Variants in PCDHA13 observed in about 807,000 individuals in gnomAD.
PCDHA13 encodes protocadherin alpha 13, also known as protocadherin alpha-13.
A neutral mutation model predicts 64.8 loss-of-function variants in PCDHA13; 54 were observed. The ratio of observed to expected loss-of-function variants is 0.83; its 90% CI spans 0.67 to 1.04. The LOEUF (loss-of-function observed/expected upper bound fraction) is 1.04, where lower values mean the gene tolerates loss of function less well. Ranked by LOEUF, PCDHA13 falls within the 50% of genes least tolerant of loss-of-function variation. The pLI is 0.00. For missense variants in PCDHA13, 1,248 were observed against 1,254.3 expected, an observed-to-expected ratio of 0.99 and a Z score of 0.08; for synonymous variants, 587 against 564.4, an observed-to-expected ratio of 1.04 and a Z score of -0.57.
intron 1 of PCDHA13, among the ~76,000 whole-genome samples, chr5:140,972,293 C>T (rs912767406): frequency 2.0e-5 from 3 of 151,768 alleles, no homozygotes; most frequent in Non-Finnish European, 4.4e-5. Flanking sequence ...ATGTGCGCCA[C>T]CGTGTCTGAC....
intron 1 of PCDHA13, among the ~76,000 whole-genome samples, chr5:140,931,051 G>A (rs1460771235): frequency 6.6e-6 from 1 of 152,134 alleles, no homozygotes; most frequent in African/African-American, 2.4e-5. Flanking sequence ...AAACTTCAAT[G>A]CTGTGTCTGG....
chr5:140,983,399 G>C (rs1486206101), intron 3 of PCDHA13, among the ~76,000 whole-genome samples: 1 of 152,148 alleles, frequency 6.6e-6, no homozygotes, highest in East Asian at 1.9e-4. Context: ...TTTCAGAAAG[G>C]GAAGATTAAG....
At chr5:140,950,458 A>G (rs568340492) in intron 1 of PCDHA13, among the ~76,000 whole-genome samples, 5 of 152,142 alleles carry the variant, frequency 3.3e-5, no homozygotes, top group Admixed American at 2.6e-4. Flanking sequence ...CTGTCTTCTA[A>G]TGCTCATAGT....
In PCDHA13 at chr5:140,882,588, A is replaced by T; in HGVS notation, c.320A>T (p.Glu107Val). 4.3e-6 allele frequency: 7 copies of T among 1,614,186 alleles called. No homozygotes were observed. Among genetic ancestry groups the T allele is most frequent in the Non-Finnish European group, 5.1e-6 (6 of 1,180,038 alleles). Reference protein sequence around the residue: ...GRSAECSIHLEVIVDRPLQVF... With the variant: ...GRSAECSIHLVVIVDRPLQVF... ...AGCGCGGAGTGCAGCATCCACCTGG[A>T]GGTGATCGTGGACAGGCCTCTGCAG... The change falls in exon 1 of 4, where the codon GAG (glutamate) becomes GTG (valine). Residue 107 changes from glutamate to valine, a missense_variant. Coordinates refer to ENST00000289272, the MANE Select transcript of PCDHA13 (RefSeq NM_018904.3).
intron 1 of PCDHA13, among the ~76,000 whole-genome samples, chr5:140,976,501 A>G (rs568983330): frequency 6.6e-6 from 1 of 152,240 alleles, no homozygotes; most frequent in East Asian, 1.9e-4. Context: ...CAGGGAGCCA[A>G]GATCGCGCCA....
intron 3 of PCDHA13, among the ~76,000 whole-genome samples, chr5:141,005,506 A>G (rs1462164149): frequency 1.3e-5 from 2 of 151,786 alleles, no homozygotes; most frequent in East Asian, 3.9e-4. Flanking sequence ...GATCGAGACC[A>G]TCCTGGCTAA....
intron 3 of PCDHA13, among the ~76,000 whole-genome samples, chr5:140,992,867 C>T (rs2097531825): frequency 6.6e-6 from 1 of 152,184 alleles, no homozygotes; most frequent in Admixed American, 6.5e-5. Context: ...CTCTAGCTCC[C>T]TCCTTGATAT....
At chr5:140,982,353 C>G (rs2096979519) in intron 2 of PCDHA13, 122 bp from the exon 3 acceptor site, 1 of 1,509,284 alleles carries the variant, frequency 6.6e-7, no homozygotes, top group East Asian at 2.4e-5. Flanking sequence ...TCAGTTCAAG[C>G]ATGAGCAGAA....
intron 3 of PCDHA13, among the ~76,000 whole-genome samples, chr5:141,001,290 G>A (rs2098005878): frequency 6.6e-6 from 1 of 152,100 alleles, no homozygotes; most frequent in Non-Finnish European, 1.5e-5. Flanking sequence ...GATGAAAACT[G>A]AGGCCCAGAG....
intron 3 of PCDHA13, among the ~76,000 whole-genome samples, chr5:141,008,578 C>T (rs1185736158): frequency 6.6e-6 from 1 of 152,202 alleles, no homozygotes; most frequent in Non-Finnish European, 1.5e-5. Context: ...TTTCCCAAGA[C>T]TCAGGGCAGA....
chr5:140,883,447 C>A lies in PCDHA13; in HGVS notation c.1179C>A (p.Val393=). The change falls in exon 1 of 4, where the codon GTC becomes GTA. Residue 393 remains valine (V), a synonymous_variant. Coordinates refer to ENST00000289272, the MANE Select transcript of PCDHA13 (RefSeq NM_018904.3). The part of the protein sequence containing the change: ...GQVTCTLTPH[V]PFKLVSTYKN... Reference sequence around the variant, plus strand: ...TCACCTGCACCTTGACGCCGCATGTCCCCTTCAAGCTGGTGTCCACCTACA... The same window carrying A: ...TCACCTGCACCTTGACGCCGCATGTACCCTTCAAGCTGGTGTCCACCTACA... 1 of 1,614,168 alleles carries A rather than the reference C, an allele frequency of 6.2e-7. No individual in the cohort carries two copies.
rs782425411 is a variant in PCDHA13 at position 140,884,087 on chromosome 5, CT to C, written c.1822del (p.Ser608ArgfsTer44). The C allele has an allele frequency of 6.2e-7, 1 of 1,613,564 alleles. No homozygotes were observed. Among genetic ancestry groups the C allele is most frequent in the South Asian group, 1.1e-5 (1 of 91,058 alleles). ...CGCCGATTCGGGCTACAATGCGTGGCTTTCGTATGAATTGCAGCTGGCGGCG... is the reference window on the plus strand; with the variant it reads ...CGCCGATTCGGGCTACAATGCGTGGCTTCGTATGAATTGCAGCTGGCGGCG... ...VDADSGYNAW[L>X]SYELQLAAVG... On this transcript the variant is annotated frameshift_variant, in exon 1 of 4. Coordinates refer to ENST00000289272, the MANE Select transcript of PCDHA13 (RefSeq NM_018904.3). LOFTEE classifies it high-confidence loss of function.
rs2059587175 is a variant in PCDHA13, at chr5:140,883,388, G to T, written c.1120G>T (p.Val374Leu). The T allele has an allele frequency of 1.2e-6, 2 of 1,614,164 alleles. No homozygotes were observed. Among genetic ancestry groups the T allele is most frequent in the Non-Finnish European group, 1.7e-6 (2 of 1,180,034 alleles). Residue 374 changes from valine (V) to leucine (L), a missense_variant, in exon 1 of 4, where the codon GTG (valine) becomes TTG (leucine). Val to Leu is a conservative substitution (Grantham distance 32, BLOSUM62 1). Transcript: ENST00000289272. Reference sequence around the variant, plus strand: ...TAGCGCCATTATTGCCCTAATCAGTGTGTCCGATCGTGACTCTGGCTCAAA... The same window carrying T: ...TAGCGCCATTATTGCCCTAATCAGTTTGTCCGATCGTGACTCTGGCTCAAA... ...QPSAIIALISVSDRDSGSNGQ... is the reference protein window; with the variant it reads ...QPSAIIALISLSDRDSGSNGQ...
At position 140,887,505 on chromosome 5, in the gene PCDHA13, T is replaced by G. The variant is rs185975578; in HGVS notation, c.2394+2843T>G. On this transcript the variant is annotated intron_variant, in intron 1 of 3. Transcript: ENST00000289272. ...GGCTTGCATAGTTTCTAATAAGATG[T>G]TTGCTTTTTTATATATGAGTCTTCC... Among the ~76,000 whole-genome samples, 465 of 152,304 alleles carry G rather than the reference T, an allele frequency of 3.1e-3. 3 individuals carry two copies. The highest frequency in any genetic ancestry group is 0.014 in the Middle Eastern group (4 of 294).
At chr5:140,929,349 A>G in intron 1 of PCDHA13, 1 of 1,530,382 alleles carries the variant, frequency 6.5e-7, no homozygotes, top group Non-Finnish European at 8.8e-7. Context: ...ATGGAATTTG[A>G]TTCCTTTGGC....
rs141156800 is a variant in PCDHA13 at position 140,884,057 on chromosome 5, G to A, written c.1789G>A (p.Val597Met). 3.7e-6 allele frequency: 6 copies of A among 1,613,540 alleles called. No individual in the cohort carries two copies. Among genetic ancestry groups the A allele is most frequent in the Non-Finnish European group, 5.1e-6 (6 of 1,179,754 alleles). Residue 597 changes from valine (V) to methionine (M), a missense_variant, in exon 1 of 4, where the codon GTG becomes ATG. Transcript: ENST00000289272. ...CCACGTGGTGGCGAAGGTGCGCGCG[G>A]TGGACGCCGATTCGGGCTACAATGC... ...AGHVVAKVRA[V>M]DADSGYNAWL...
chr5:140,882,189 T>A lies in PCDHA13; in HGVS notation c.-80T>A. The A allele has an allele frequency of 3.9e-6, 6 of 1,519,304 alleles. No homozygotes were observed. The highest frequency in any genetic ancestry group is 5.3e-6 in the Non-Finnish European group (6 of 1,134,260). The allele number at this position is 1,519,304 out of a possible 1,614,324, so 94.1% of individuals were successfully genotyped here. A position where few individuals can be genotyped will look rare whatever the true frequency, so the allele number is the denominator to read the frequency against. On this transcript the variant is annotated 5_prime_UTR_variant, in exon 1 of 4. Transcript: ENST00000289272. ...CGAATCCTTCCGCACTAGGAAGCCATAAAAATTGGGCCTTGAGAGACAGTT... is the reference window on the plus strand; with the variant it reads ...CGAATCCTTCCGCACTAGGAAGCCAAAAAAATTGGGCCTTGAGAGACAGTT...
intron 1 of PCDHA13, chr5:140,967,070 A>C (rs781831975): frequency 6.2e-7 from 1 of 1,613,072 alleles, no homozygotes; most frequent in South Asian, 1.1e-5. Context: ...GCTCTTCGTC[A>C]ACGAGCGCAT....
chr5:140,882,688 AATC>A lies in PCDHA13; in HGVS notation c.423_425del (p.Ile142del). 6.2e-7 allele frequency: 1 copy of A among 1,614,196 alleles called. No homozygotes were observed. The highest frequency in any genetic ancestry group is 1.1e-5 in the South Asian group (1 of 91,076). On this transcript the variant is annotated inframe_deletion, in exon 1 of 4. Coordinates refer to ENST00000289272, the MANE Select transcript of PCDHA13 (RefSeq NM_018904.3). ...TATTCCCTGAAAGCAAGAAACGAAT[AATC>A]ATTGCAGAATCTAGACCTCCGGAAA...
Sources: gnomAD v4.1 joint callset for allele counts (sites outside exome capture counted in the v4.1 genomes callset) on GRCh38, gnomAD v4.1.1 for gene constraint, MANE v1.5 for transcripts, NCBI Gene and HGNC (gene_info 2026-07-23, HGNC 2026-07-21) for gene names.